ZNF609: variants seen among roughly 807,000 people sequenced by gnomAD.
ZNF609 encodes the protein zinc finger protein 609.
In ZNF609, 11 loss-of-function variants were observed where a neutral mutation model predicts 109.5. That is an observed-to-expected ratio of 0.10 (90% CI 0.06 to 0.17). ZNF609 has a LOEUF of 0.17. ZNF609 is among the 10% of genes least tolerant of loss of function. The pLI is 1.00. For missense variants in ZNF609, 1,559 were observed against 1,772.4 expected, an observed-to-expected ratio of 0.88 and a Z score of 2.16; for synonymous variants, 646 against 662.0, an observed-to-expected ratio of 0.98 and a Z score of 0.37.
intron 2 of ZNF609, among the ~76,000 whole-genome samples, chr15:64,510,648 T>TG: frequency 6.6e-6 from 1 of 152,198 alleles, no homozygotes; most frequent in East Asian, 1.9e-4. Context: ...TGGGGGTTTT[T>TG]GAATGTATGT....
chr15:64,600,074 A>G (rs887054341), intron 2 of ZNF609, among the ~76,000 whole-genome samples: 2 of 152,250 alleles, frequency 1.3e-5, no homozygotes, highest in Non-Finnish European at 2.9e-5. Context: ...TGTGGTCCCA[A>G]CAGTTTGGGA....
At chr15:64,622,415 G>T (rs1895890783) in intron 2 of ZNF609, among the ~76,000 whole-genome samples, 1 of 152,170 alleles carries the variant, frequency 6.6e-6, no homozygotes, top group Non-Finnish European at 1.5e-5. Flanking sequence ...CATAGTGGTG[G>T]TAGCAAAACA....
chr15:64,634,858 G>A (rs1896150241), intron 3 of ZNF609, among the ~76,000 whole-genome samples: 1 of 152,088 alleles, frequency 6.6e-6, no homozygotes, highest in African/African-American at 2.4e-5. Flanking sequence ...AAACATTAGG[G>A]AAATCAGTAC....
intron 2 of ZNF609, among the ~76,000 whole-genome samples, chr15:64,510,231 G>T (rs564856434): frequency 1.3e-5 from 2 of 149,178 alleles, no homozygotes; most frequent in African/African-American, 5.0e-5. Flanking sequence ...AACAGACAGG[G>T]TCTCCCTCTG....
At chr15:64,531,497 A>C (rs1894060512) in intron 2 of ZNF609, among the ~76,000 whole-genome samples, 1 of 152,148 alleles carries the variant, frequency 6.6e-6, no homozygotes, top group Non-Finnish European at 1.5e-5. Context: ...TTCTGGGTTC[A>C]AGTGATCCTT....
intron 2 of ZNF609, among the ~76,000 whole-genome samples, chr15:64,524,892 CTGTT>C (rs1299301437): frequency 6.6e-6 from 1 of 152,140 alleles, no homozygotes; most frequent in Non-Finnish European, 1.5e-5. Flanking sequence ...AGCTGGCAAA[CTGTT>C]TGCCAGAATG....
chr15:64,532,248 C>T (rs1325023073), intron 2 of ZNF609, among the ~76,000 whole-genome samples: 1 of 152,204 alleles, frequency 6.6e-6, no homozygotes, highest in African/African-American at 2.4e-5. Context: ...CCTCTGTACC[C>T]TCCTTTTATC....
rs1041410595 is a variant in ZNF609 at position 64,592,849 on chromosome 15, G to C, written c.748-29978G>C. ...AATTGCTTGAATCTAGGAGGCAAAA[G>C]TTGCAGTGAGCTGGGATCGCGCCAC... On this transcript the variant is annotated intron_variant, in intron 2 of 9. Coordinates refer to ENST00000326648, the MANE Select transcript of ZNF609 (RefSeq NM_015042.2). 5.5e-6 allele frequency: 3 copies of C among 548,832 alleles called. No individual in the cohort carries two copies. In the South Asian group the frequency reaches 7.8e-5, roughly 14 times the overall value. 34.0% of individuals were successfully genotyped at this position (548,832 alleles called of 1,614,324 possible). A position where few individuals can be genotyped will look rare whatever the true frequency, so the allele number is the denominator to read the frequency against.
At chr15:64,546,940 G>A (rs1894374661) in intron 2 of ZNF609, among the ~76,000 whole-genome samples, 1 of 151,700 alleles carries the variant, frequency 6.6e-6, no homozygotes, top group South Asian at 2.1e-4. Context: ...ACAGGCGCAC[G>A]CCACCACACC....
At chr15:64,668,574 T>C (rs1237187921) in intron 3 of ZNF609, among the ~76,000 whole-genome samples, 1 of 152,178 alleles carries the variant, frequency 6.6e-6, no homozygotes, top group Non-Finnish European at 1.5e-5. Context: ...AAGACCAGCC[T>C]GGGCAAAATG....
At chr15:64,585,269 G>C (rs766307902) in intron 2 of ZNF609, among the ~76,000 whole-genome samples, 1 of 152,060 alleles carries the variant, frequency 6.6e-6, no homozygotes, top group South Asian at 2.1e-4. Context: ...TGGTTGCAGC[G>C]AGCCAAGATC....
At chr15:64,484,239 A>G (rs921333275) in intron 1 of ZNF609, among the ~76,000 whole-genome samples, 1 of 152,204 alleles carries the variant, frequency 6.6e-6, no homozygotes, top group African/African-American at 2.4e-5. Flanking sequence ...AATTGTTGAG[A>G]TTATGCTTCA....
intron 2 of ZNF609, among the ~76,000 whole-genome samples, chr15:64,612,251 C>T (rs1303510854): frequency 6.6e-6 from 1 of 151,278 alleles, no homozygotes; most frequent in Non-Finnish European, 1.5e-5. Flanking sequence ...AGGTTCACGC[C>T]ATTCTCCTGC....
chr15:64,536,099 T>C (rs894320606), intron 2 of ZNF609, among the ~76,000 whole-genome samples: 2 of 152,180 alleles, frequency 1.3e-5, no homozygotes, highest in Non-Finnish European at 2.9e-5. Context: ...AGTGCCATTG[T>C]AGCTTTGAAC....
intron 2 of ZNF609, chr15:64,593,223 A>C: frequency 6.5e-7 from 1 of 1,534,740 alleles, no homozygotes; most frequent in Non-Finnish European, 8.9e-7. Flanking sequence ...ATTCACAGCA[A>C]AGTAGTCAGG....
chr15:64,520,351 T>G (rs1297844469), intron 2 of ZNF609, among the ~76,000 whole-genome samples: 1 of 152,090 alleles, frequency 6.6e-6, no homozygotes, highest in Admixed American at 6.6e-5. Context: ...CTGCCAAATA[T>G]CCCCTGGAGG....
intron 2 of ZNF609, among the ~76,000 whole-genome samples, chr15:64,510,728 G>A (rs1370334368): frequency 6.6e-6 from 1 of 152,052 alleles, no homozygotes; most frequent in African/African-American, 2.4e-5. Context: ...ATGTTTTGAG[G>A]TGGTCAGGTT....
intron 1 of ZNF609, chr15:64,470,576 C>A (rs556582487): frequency 2.0e-5 from 3 of 151,908 alleles, no homozygotes; most frequent in African/African-American, 7.3e-5. Context: ...GGCTGGAGTG[C>A]GTTGGCGTGA....
At chr15:64,622,782 A>G (rs1175385468) in intron 2 of ZNF609, 45 bp from the exon 3 acceptor site, 3 of 1,520,466 alleles carry the variant, frequency 2.0e-6, no homozygotes. Flanking sequence ...TTTCCTCTAA[A>G]TGTTCTCCCT....
Sources: gnomAD v4.1 joint callset for allele counts (sites outside exome capture counted in the v4.1 genomes callset) on GRCh38, gnomAD v4.1.1 for gene constraint, MANE v1.5 for transcripts, NCBI Gene and HGNC (gene_info 2026-07-23, HGNC 2026-07-21) for gene names.